The following KATNIP variants were observed in gnomAD, a reference collection of about 807,000 sequenced individuals.
The protein encoded by KATNIP is katanin interacting protein.
A neutral mutation model predicts 174.0 loss-of-function variants in KATNIP; 126 were observed. The observed-to-expected ratio is 0.72, with a 90% CI of 0.63 to 0.84. The LOEUF (loss-of-function observed/expected upper bound fraction) is 0.84, where lower values mean the gene tolerates loss of function less well. Among genes scored for constraint, KATNIP ranks in the 40% least tolerant of loss-of-function variants. The pLI is 0.00. For missense variants in KATNIP, 1,958 were observed against 2,109.7 expected, an observed-to-expected ratio of 0.93 and a Z score of 1.41; for synonymous variants, 810 against 835.7, an observed-to-expected ratio of 0.97 and a Z score of 0.53.
At chr16:27,757,853 CCTATTAATG>C (rs2081797861) in intron 18 of KATNIP, among the ~76,000 whole-genome samples, 1 of 152,158 alleles carries the variant, frequency 6.6e-6, no homozygotes, top group African/African-American at 2.4e-5. Flanking sequence ...TACGGCCAAT[CCTATTAATG>C]TTTTGAAAGG....
At chr16:27,713,854 A>ATATATATATATC (rs1555482296) in intron 13 of KATNIP, among the ~76,000 whole-genome samples, 1 of 69,312 alleles carries the variant, frequency 1.4e-5, no homozygotes, top group Non-Finnish European at 2.8e-5. Flanking sequence ...ATATATATAT[A>ATATATATATATC]TATCTATCTC....
intron 6 of KATNIP, among the ~76,000 whole-genome samples, chr16:27,649,774 A>C (rs1289650308): frequency 6.6e-6 from 1 of 152,256 alleles, no homozygotes; most frequent in Non-Finnish European, 1.5e-5. Flanking sequence ...ACAGAAGAGA[A>C]AGATGGGATA....
Position 27,662,029 on chromosome 16 carries a change from TATATATATATATACACATAC to T in KATNIP, c.540+13308_540+13327del, listed in dbSNP as rs1241909346. ...ATATATATATATACACATACATATA[TATATATATATATACACATAC>T]ATATATATATATATATATATATACA... On this transcript the variant is annotated intron_variant, in intron 6 of 27. Coordinates refer to ENST00000261588, the MANE Select transcript of KATNIP (RefSeq NM_015202.5). Among the ~76,000 whole-genome samples the T allele has an allele frequency of 1.1e-4, 5 of 46,846 alleles. 1 individual carries two copies. The highest frequency in any genetic ancestry group is 1.2e-4 in the African/African-American group (1 of 8,478). 30.7% of individuals were successfully genotyped at this position (46,846 alleles called of 152,430 possible). A position where few individuals can be genotyped will look rare whatever the true frequency, so the allele number is the denominator to read the frequency against.
chr16:27,608,895 C>T (rs992309373), intron 2 of KATNIP, among the ~76,000 whole-genome samples: 2 of 152,188 alleles, frequency 1.3e-5, no homozygotes, highest in Non-Finnish European at 2.9e-5. Flanking sequence ...CCTTATCCCC[C>T]TGCAAGCGCC....
At chr16:27,570,938 T>G (rs2090268037) in intron 1 of KATNIP, among the ~76,000 whole-genome samples, 1 of 152,196 alleles carries the variant, frequency 6.6e-6, no homozygotes, top group Non-Finnish European at 1.5e-5. Context: ...TCCTTTAAGG[T>G]TCAATCTTGA....
At chr16:27,697,182 T>C (rs2078943328) in intron 8 of KATNIP, among the ~76,000 whole-genome samples, 1 of 152,224 alleles carries the variant, frequency 6.6e-6, no homozygotes, top group Non-Finnish European at 1.5e-5. Flanking sequence ...GTAATGAGAT[T>C]GCTGGGTCAA....
chr16:27,740,617 C>T lies in KATNIP; in HGVS notation c.2320C>T (p.Leu774Phe), dbSNP rs2081068672. Residue 774 changes from leucine to phenylalanine, a missense_variant, in exon 15 of 28, where the codon CTC becomes TTC. Leu to Phe is a conservative substitution (Grantham distance 22, BLOSUM62 0). Coordinates refer to ENST00000261588, the MANE Select transcript of KATNIP (RefSeq NM_015202.5). ...GCAGGGAGGCAGGAAGCCAAAACCC[C>T]TCTGGCTTAGTCCCGAGAAGCCCCT... is the stretch of plus-strand genomic sequence containing the variant. ...RKQGGRKPKP[L>F]WLSPEKPLAW... The T allele has an allele frequency of 6.2e-7, 1 of 1,614,244 alleles. No individual in the cohort carries two copies. The highest frequency in any genetic ancestry group is 8.5e-7 in the Non-Finnish European group (1 of 1,180,042).
chr16:27,639,788 C>T (rs564006807), intron 5 of KATNIP, among the ~76,000 whole-genome samples: 39 of 152,312 alleles, frequency 2.6e-4, no homozygotes, highest in African/African-American at 8.7e-4. Flanking sequence ...TGAAACAAGC[C>T]GTAAAGCATT....
chr16:27,697,072 T>G (rs192766611), intron 8 of KATNIP, among the ~76,000 whole-genome samples: 7 of 152,194 alleles, frequency 4.6e-5, no homozygotes. Flanking sequence ...GGCATTTAGG[T>G]TGATTCCATG....
intron 2 of KATNIP, among the ~76,000 whole-genome samples, chr16:27,585,089 G>T (rs1277362723): frequency 6.6e-6 from 1 of 152,194 alleles, no homozygotes; most frequent in Non-Finnish European, 1.5e-5. Context: ...CAGAGGCAAT[G>T]ACTGCCAGGT....
chr16:27,640,508 G>C (rs1313310162), intron 5 of KATNIP, among the ~76,000 whole-genome samples: 3 of 152,126 alleles, frequency 2.0e-5, no homozygotes, highest in African/African-American at 7.2e-5. Context: ...TGGGGCTGGG[G>C]GCGGGAGAGC....
intron 1 of KATNIP, among the ~76,000 whole-genome samples, chr16:27,562,055 C>G (rs1375238403): frequency 6.6e-6 from 1 of 152,210 alleles, no homozygotes; most frequent in Non-Finnish European, 1.5e-5. Context: ...CCTGTAATCC[C>G]TGTACTTTGG....
rs888137974 is a variant in KATNIP at position 27,637,449 on chromosome 16, G to A, written c.408+6287G>A. On this transcript the variant is annotated intron_variant, in intron 5 of 27. Transcript: ENST00000261588. This position sits in a 1 kb window ranked among gnomAD's most constrained non-coding sequence, Gnocchi z 4.7. The stretch of plus-strand genomic sequence containing the variant: ...AGGCAAGCAAGGGAGTCGGAAGACA[G>A]TGCTACGAAGGAAGGACAGAGGACA... Among the ~76,000 whole-genome samples, 3 of 152,190 alleles carry A rather than the reference G, an allele frequency of 2.0e-5. No homozygotes were observed. Among genetic ancestry groups the A allele is most frequent in the Non-Finnish European group, 4.4e-5 (3 of 68,038 alleles).
chr16:27,597,258 A>C (rs886195), intron 2 of KATNIP, among the ~76,000 whole-genome samples: 1 of 151,874 alleles, frequency 6.6e-6, no homozygotes, highest in South Asian at 2.1e-4. Context: ...TGCTAATCCC[A>C]CCCCTCCCTA....
chr16:27,609,083 G>A (rs545273389), intron 2 of KATNIP, among the ~76,000 whole-genome samples: 65 of 152,148 alleles, frequency 4.3e-4, no homozygotes, highest in Non-Finnish European at 7.6e-4. Flanking sequence ...TGTTGCCCAG[G>A]TAACATTTCA....
intron 1 of KATNIP, among the ~76,000 whole-genome samples, chr16:27,558,153 T>C (rs1170027224): frequency 6.6e-6 from 1 of 152,198 alleles, no homozygotes; most frequent in African/African-American, 2.4e-5. Flanking sequence ...TTTTGTTTGT[T>C]TTTTTGTTTT....
rs150172034 is a variant in KATNIP at position 27,694,059 on chromosome 16, C to T, written c.941-4269C>T. Among the ~76,000 whole-genome samples, 44 of 152,306 alleles carry T rather than the reference C, an allele frequency of 2.9e-4. No individual in the cohort carries two copies. In the East Asian group the frequency reaches 8.5e-3, roughly 29 times the overall value. ...ATGGTTCTTGGGGCATTTGCACTCA[C>T]AGCCCCTTTCTTGGGTGCCTGGCAG... On this transcript the variant is annotated intron_variant, in intron 8 of 27. Transcript: ENST00000261588.
intron 11 of KATNIP, 23 bp downstream of exon 11, chr16:27,701,718 A>G: frequency 6.5e-7 from 1 of 1,527,130 alleles, no homozygotes; most frequent in South Asian, 1.2e-5. Context: ...CTGAGGCCAA[A>G]CCCGAAACCC....
chr16:27,609,551 C>T (rs534604769), intron 2 of KATNIP, among the ~76,000 whole-genome samples: 5 of 151,728 alleles, frequency 3.3e-5, no homozygotes, highest in Admixed American at 6.6e-5. Context: ...CCACCATGCC[C>T]GGCTAATTTT....
Sources: allele counts gnomAD v4.1 joint callset (sites outside exome capture counted in the v4.1 genomes callset), GRCh38; gene constraint gnomAD v4.1.1; non-coding constraint Gnocchi (gnomAD v3.1); transcripts MANE v1.5; gene names NCBI Gene and HGNC (gene_info 2026-07-23, HGNC 2026-07-21).